Variants in LRP2 observed in about 807,000 individuals in gnomAD.
LRP2 encodes low-density lipoprotein receptor-related protein 2.
A neutral mutation model predicts 531.0 loss-of-function variants in LRP2; 172 were observed. That is an observed-to-expected ratio of 0.32 (90% CI 0.29 to 0.37). The LOEUF (loss-of-function observed/expected upper bound fraction) is 0.37. Ranked by LOEUF, LRP2 falls within the 10% of genes least tolerant of loss-of-function variation. LRP2 has a pLI of 1.00. For missense variants in LRP2, 5,167 were observed against 5,868.3 expected, an observed-to-expected ratio of 0.88 and a Z score of 3.90; for synonymous variants, 1,992 against 2,027.6, an observed-to-expected ratio of 0.98 and a Z score of 0.47.
intron 1 of LRP2, among the ~76,000 whole-genome samples, chr2:169,357,619 C>A (rs1048261806): frequency 6.6e-6 from 1 of 152,172 alleles, no homozygotes; most frequent in Middle Eastern, 3.4e-3. Flanking sequence ...CATGAGCCCC[C>A]ACGCCCAGCT....
rs746341396 is a variant in LRP2, at chr2:169,243,513, T to C, written c.3440A>G (p.Glu1147Gly). ...GSDEKNCNST[E>G]TCQPSQFNCP... Reference sequence around the variant, plus strand: ...ATTAAACTGACTAGGTTGGCATGTCTCTGTCGAATCTAATGTCATCCGAAA... The same window carrying C: ...ATTAAACTGACTAGGTTGGCATGTCCCTGTCGAATCTAATGTCATCCGAAA... The change falls in exon 23 of 79, where the codon GAG becomes GGG. Residue 1147 changes from glutamate (E) to glycine (G), a missense_variant. Coordinates refer to ENST00000649046, the MANE Select transcript of LRP2 (RefSeq NM_004525.3). The C allele has an allele frequency of 2.5e-6, 4 of 1,614,130 alleles. No homozygotes were observed. Among genetic ancestry groups the C allele is most frequent in the Non-Finnish European group, 3.4e-6 (4 of 1,179,990 alleles).
intron 3 of LRP2, among the ~76,000 whole-genome samples, chr2:169,307,807 T>C (rs1684467067): frequency 6.6e-6 from 1 of 152,174 alleles, no homozygotes; most frequent in South Asian, 2.1e-4. Context: ...GGTGTGAATA[T>C]GAATATGAGT....
intron 9 of LRP2, among the ~76,000 whole-genome samples, chr2:169,287,741 G>A (rs1277113203): frequency 6.6e-6 from 1 of 151,136 alleles, no homozygotes; most frequent in African/African-American, 2.4e-5. Flanking sequence ...TAATTATGTT[G>A]GAAGCAATGA....
chr2:169,176,370 G>T (rs373120606), intron 54 of LRP2, 41 bp downstream of exon 54: 1 of 1,611,278 alleles, frequency 6.2e-7, no homozygotes, highest in Non-Finnish European at 8.5e-7. Flanking sequence ...GTCTGTCCAC[G>T]GGCTAGAGAG....
chr2:169,323,853 T>TA lies in LRP2; in HGVS notation c.80-2970dup, dbSNP rs11333901. On this transcript the variant is annotated intron_variant, in intron 1 of 78. Transcript: ENST00000649046. ...CTCTCTGGTTTGGGGGCTGCCTGAT[T>TA]AAAAAAAAAAAAAAATCCCTCTAGT... Among the ~76,000 whole-genome samples the TA allele has an allele frequency of 8.3e-3, 1,224 of 148,146 alleles. 20 individuals carry two copies. Among genetic ancestry groups the TA allele is most frequent in the African/African-American group, 0.029 (1,163 of 40,564 alleles).
rs747507071 is a variant in LRP2, at chr2:169,206,749, C to T, written c.6971G>A (p.Arg2324Lys). 179 of 1,614,030 alleles carry T rather than the reference C, an allele frequency of 1.1e-4. No individual in the cohort carries two copies. Among genetic ancestry groups the T allele is most frequent in the Non-Finnish European group, 1.4e-4 (168 of 1,180,022 alleles). ...TVIRDNINWL[R>K]DVTIFDKQVQ... Reference sequence around the variant, plus strand: ...TTGCTTGTCAAAGATGGTCACATCTCTTAGCCAGTTGATATTGTCTCTTAT... The same window carrying T: ...TTGCTTGTCAAAGATGGTCACATCTTTTAGCCAGTTGATATTGTCTCTTAT... Residue 2324 changes from arginine (R) to lysine (K), a missense_variant, in exon 39 of 79, where the codon AGA (arginine) becomes AAA (lysine). By Grantham distance (26) the Arg-to-Lys change is conservative. Coordinates refer to ENST00000649046, the MANE Select transcript of LRP2 (RefSeq NM_004525.3).
intron 47 of LRP2, among the ~76,000 whole-genome samples, chr2:169,193,449 A>G (rs1687899725): frequency 6.6e-6 from 1 of 150,414 alleles, no homozygotes; most frequent in South Asian, 2.1e-4. Flanking sequence ...AAAAAGAAAG[A>G]AAGAAAAGAA....
In LRP2 at chr2:169,209,548, C is replaced by T. The variant is rs752202886; in HGVS notation, c.6374G>A (p.Arg2125His). The T allele has an allele frequency of 2.4e-5, 38 of 1,613,966 alleles. No individual in the cohort carries two copies. Among genetic ancestry groups the T allele is most frequent in the South Asian group, 3.3e-5 (3 of 91,084 alleles). Residue 2125 changes from arginine to histidine, a missense_variant, in exon 38 of 79, where the codon CGT becomes CAT. Physicochemically the swap from Arg to His is conservative, Grantham distance 29. Around this residue, in one of 6 missense-constraint regions of LRP2, gnomAD observed 2,811 missense variants for 3,058.0 expected, o/e 0.92. Transcript: ENST00000649046. ...SSSVASDNAI[R>H]RIKPDGSSLM... ...AGAAGATCCATCTGGTTTAATTCTA[C>T]GGATCGCATTATCAGATGCCACTGA...
Position 169,240,985 on chromosome 2 carries a change from T to C in LRP2, c.4045+3A>G. ...GCCAGTAAACTGTGGTCAGGAAACT[T>C]ACTGCAAAGTGGGGACTCATCTGTC... On this transcript the variant is annotated splice_donor_region_variant and intron_variant, in intron 25 of 78. Transcript: ENST00000649046. 1.9e-6 allele frequency: 3 copies of C among 1,611,808 alleles called. No homozygotes were observed. Among genetic ancestry groups the C allele is most frequent in the Non-Finnish European group, 2.5e-6 (3 of 1,180,004 alleles).
intron 33 of LRP2, among the ~76,000 whole-genome samples, chr2:169,224,048 T>C (rs75300518): frequency 6.6e-6 from 1 of 152,236 alleles, no homozygotes; most frequent in Non-Finnish European, 1.5e-5. Context: ...CACCAAGGGA[T>C]GCATGAAACC....
At chr2:169,302,949 A>C (rs2105485231) in intron 4 of LRP2, among the ~76,000 whole-genome samples, 1 of 152,208 alleles carries the variant, frequency 6.6e-6, no homozygotes, top group South Asian at 2.1e-4. Flanking sequence ...TTTAAAGAAG[A>C]GTTGTTTAAT....
intron 33 of LRP2, 62 bp downstream of exon 33, chr2:169,225,246 TGA>T: frequency 6.5e-7 from 1 of 1,532,438 alleles, no homozygotes; most frequent in Non-Finnish European, 9.0e-7. Flanking sequence ...GATCTATTCC[TGA>T]GACTAGAGTT....
At chr2:169,353,895 C>T (rs1015819711) in intron 1 of LRP2, among the ~76,000 whole-genome samples, 4 of 152,108 alleles carry the variant, frequency 2.6e-5, no homozygotes, top group African/African-American at 4.8e-5. Flanking sequence ...TGGGGTTAAG[C>T]GGAGAGGATC....
rs1403428051 is a variant in LRP2 at position 169,127,672 on chromosome 2, G to A, written c.*991C>T. On this transcript the variant is annotated 3_prime_UTR_variant, in exon 79 of 79. Coordinates refer to ENST00000649046, the MANE Select transcript of LRP2 (RefSeq NM_004525.3). Reference sequence around the variant, plus strand: ...AAGAATGGTTTCCCTTTCTATTCAGGTTCAACTTAGGAAATAAATAGTGAT... The same window carrying A: ...AAGAATGGTTTCCCTTTCTATTCAGATTCAACTTAGGAAATAAATAGTGAT... The A allele has an allele frequency of 1.3e-5, 2 of 151,954 alleles. No homozygotes were observed. Among genetic ancestry groups the A allele is most frequent in the Admixed American group, 6.6e-5 (1 of 15,212 alleles). 9.4% of individuals were successfully genotyped at this position (151,954 alleles called of 1,614,324 possible).
At chr2:169,160,225 T>C (rs1686522238) in intron 63 of LRP2, among the ~76,000 whole-genome samples, 1 of 152,194 alleles carries the variant, frequency 6.6e-6, no homozygotes, top group Non-Finnish European at 1.5e-5. Context: ...AAAATGCTAA[T>C]GTATTTTCAT....
In LRP2 at chr2:169,191,966, A is replaced by G. The variant is rs759550510; in HGVS notation, c.8898T>C (p.Ile2966=). The G allele has an allele frequency of 5.0e-6, 8 of 1,614,152 alleles. No individual in the cohort carries two copies. The Admixed American group carries it at 1.0e-4, about 20-fold the overall frequency. ...CGCCATCACAGACCCAAGACTGGGG[A>G]ATGCACCTCCTGTCCGGAGGTCTGT... ...VNDRPPDRRC[I]PQSWVCDGDV... Residue 2966 remains isoleucine, a synonymous_variant, in exon 48 of 79, where the codon ATT becomes ATC. Coordinates refer to ENST00000649046, the MANE Select transcript of LRP2 (RefSeq NM_004525.3).
At chr2:169,350,553 A>G (rs1294607545) in intron 1 of LRP2, among the ~76,000 whole-genome samples, 4 of 151,804 alleles carry the variant, frequency 2.6e-5, no homozygotes, top group African/African-American at 2.4e-5. Context: ...GCAAAACCCC[A>G]TCTCTACAAA....
In LRP2 at chr2:169,314,942, G is replaced by A. The variant is rs577915260; in HGVS notation, c.310+3820C>T. ...TTATTCCCGAGAAGGCAAGTCATGG[G>A]TTGTCTCAAACAAAATATGAAAAGA... On this transcript the variant is annotated intron_variant, in intron 3 of 78. Coordinates refer to ENST00000649046, the MANE Select transcript of LRP2 (RefSeq NM_004525.3). Among the ~76,000 whole-genome samples, 92 of 152,216 alleles carry A rather than the reference G, an allele frequency of 6.0e-4. 1 individual carries two copies. The South Asian group carries it at 0.019, about 31-fold the overall frequency.
chr2:169,169,987 C>A (rs1037462362), intron 59 of LRP2, among the ~76,000 whole-genome samples, 169 bp from the exon 60 acceptor site: 1 of 152,220 alleles, frequency 6.6e-6, no homozygotes, highest in African/African-American at 2.4e-5. Context: ...AAAACTCACA[C>A]TTTCCCCACT....
Sources: gnomAD v4.1 joint callset for allele counts (sites outside exome capture counted in the v4.1 genomes callset) on GRCh38, gnomAD v4.1.1 for gene constraint, gnomAD v4.1.1 regional missense constraint, MANE v1.5 for transcripts, NCBI Gene and HGNC (gene_info 2026-07-23, HGNC 2026-07-21) for gene names.